Variants in CPEB3 observed in about 807,000 individuals in gnomAD.
CPEB3 encodes the protein cytoplasmic polyadenylation element-binding protein 3.
CPEB3 carries 20 observed loss-of-function variants against 67.2 expected under a neutral mutation model. The observed-to-expected ratio is 0.30, with a 90% CI of 0.21 to 0.43. The LOEUF is 0.43. Among genes scored for constraint, CPEB3 ranks in the 20% least tolerant of loss-of-function variants. The pLI is 1.00. For missense variants in CPEB3, 746 were observed against 968.6 expected, an observed-to-expected ratio of 0.77 and a Z score of 3.05; for synonymous variants, 376 against 393.1, an observed-to-expected ratio of 0.96 and a Z score of 0.51.
intron 6 of CPEB3, among the ~76,000 whole-genome samples, chr10:92,137,868 G>A (rs1281634132): frequency 6.6e-6 from 1 of 152,180 alleles, no homozygotes; most frequent in Non-Finnish European, 1.5e-5. Context: ...GGGCATGGTG[G>A]CAAGTGCCTG....
At chr10:92,175,472 A>G (rs1312784157) in intron 4 of CPEB3, among the ~76,000 whole-genome samples, 1 of 152,004 alleles carries the variant, frequency 6.6e-6, no homozygotes, top group Non-Finnish European at 1.5e-5. Context: ...GAACTCCCGC[A>G]TCATATGATA....
Position 92,078,811 on chromosome 10 carries a change from G to A in CPEB3, c.1869+2509C>T, listed in dbSNP as rs367859868. On this transcript the variant is annotated intron_variant, in intron 9 of 9. Coordinates refer to ENST00000265997, the MANE Select transcript of CPEB3 (RefSeq NM_014912.5). Reference sequence around the variant, plus strand: ...AAGAAATACTGAGGACCTGAGCCTCGCAGTAGCTGTGAGAATAGCGGTAGG... The same window carrying A: ...AAGAAATACTGAGGACCTGAGCCTCACAGTAGCTGTGAGAATAGCGGTAGG... 2.0e-4 allele frequency among the ~76,000 whole-genome samples: 30 copies of A among 152,210 alleles called. No homozygotes were observed. In the East Asian group the frequency reaches 2.1e-3, roughly 11 times the overall value.
chr10:92,261,583 G>C (rs1052582304), intron 1 of CPEB3, among the ~76,000 whole-genome samples: 7 of 152,072 alleles, frequency 4.6e-5, no homozygotes, highest in Admixed American at 3.9e-4. Flanking sequence ...AAGTAGCTGG[G>C]ATTACAGGCG....
chr10:92,100,880 C>T lies in CPEB3; in HGVS notation c.1573-8936G>A, dbSNP rs1160455478. On this transcript the variant is annotated intron_variant, in intron 7 of 9. Coordinates refer to ENST00000265997, the MANE Select transcript of CPEB3 (RefSeq NM_014912.5). ...TGCTGGGATTACAGGCGTGAGCCAC[C>T]GTGCCCGGCCAAGAACAGTTTTTAA... is the stretch of plus-strand genomic sequence containing the variant. 3.9e-5 allele frequency among the ~76,000 whole-genome samples: 6 copies of T among 152,214 alleles called. No individual in the cohort carries two copies. In the East Asian group the frequency reaches 5.8e-4, roughly 15 times the overall value.
intron 8 of CPEB3, among the ~76,000 whole-genome samples, chr10:92,083,697 T>C (rs1843248702): frequency 6.6e-6 from 1 of 152,124 alleles, no homozygotes; most frequent in African/African-American, 2.4e-5. Flanking sequence ...GAGGGAACAA[T>C]CTCTAAGCCT....
At chr10:92,181,353 T>C (rs1325430312) in intron 3 of CPEB3, among the ~76,000 whole-genome samples, 1 of 140,248 alleles carries the variant, frequency 7.1e-6, no homozygotes, top group Non-Finnish European at 1.5e-5. Context: ...TATACTGTCC[T>C]TCCATTCAAG....
chr10:92,099,322 T>C (rs1844056792), intron 7 of CPEB3, among the ~76,000 whole-genome samples: 1 of 151,312 alleles, frequency 6.6e-6, no homozygotes, highest in Non-Finnish European at 1.5e-5. Context: ...CAGTTAATTT[T>C]TGTATTTTTT....
At chr10:92,146,981 C>T (rs541861424) in intron 4 of CPEB3, among the ~76,000 whole-genome samples, 1 of 152,314 alleles carries the variant, frequency 6.6e-6, no homozygotes, top group East Asian at 1.9e-4. Flanking sequence ...CAGGCACATG[C>T]GCAAATCAGC....
chr10:92,250,973 C>T (rs1193719945), intron 1 of CPEB3, among the ~76,000 whole-genome samples: 2 of 150,860 alleles, frequency 1.3e-5, no homozygotes, highest in African/African-American at 4.9e-5. Flanking sequence ...TCAGGCAATC[C>T]GCCCACCTCA....
intron 4 of CPEB3, 133 bp downstream of exon 4, chr10:92,180,830 A>G: frequency 1.7e-6 from 1 of 605,354 alleles, no homozygotes; most frequent in East Asian, 3.1e-5. Flanking sequence ...CACTTTGAGA[A>G]CCACTAGTAC....
intron 3 of CPEB3, among the ~76,000 whole-genome samples, chr10:92,183,881 C>T (rs1481834114): frequency 6.6e-6 from 1 of 152,134 alleles, no homozygotes; most frequent in Non-Finnish European, 1.5e-5. Flanking sequence ...CCTGTGTCTA[C>T]CATTTACGGT....
intron 8 of CPEB3, among the ~76,000 whole-genome samples, chr10:92,085,260 T>C (rs929141908): frequency 6.6e-6 from 1 of 152,198 alleles, no homozygotes; most frequent in Non-Finnish European, 1.5e-5. Flanking sequence ...TTCTTTCCCA[T>C]CCAGACAGTG....
At chr10:92,241,727 T>C (rs922557613) in intron 1 of CPEB3, among the ~76,000 whole-genome samples, 1 of 152,196 alleles carries the variant, frequency 6.6e-6, no homozygotes, top group Admixed American at 6.5e-5. Context: ...GAGACTGCCA[T>C]ACATGTAGTT....
intron 8 of CPEB3, among the ~76,000 whole-genome samples, chr10:92,090,561 A>C (rs1189611146): frequency 2.0e-5 from 3 of 152,180 alleles, no homozygotes; most frequent in Non-Finnish European, 4.4e-5. Flanking sequence ...AACAAACAAA[A>C]AAACTAATTT....
At chr10:92,067,168 A>G (rs1268832143) in intron 9 of CPEB3, among the ~76,000 whole-genome samples, 1 of 152,054 alleles carries the variant, frequency 6.6e-6, no homozygotes, top group Non-Finnish European at 1.5e-5. Flanking sequence ...TATGAGCTGG[A>G]ATGCTGTTGT....
chr10:92,279,279 G>A (rs1190554789), intron 1 of CPEB3, among the ~76,000 whole-genome samples: 1 of 152,160 alleles, frequency 6.6e-6, no homozygotes, highest in Non-Finnish European at 1.5e-5. Flanking sequence ...TAACAGATCA[G>A]TGAACACCCT....
chr10:92,099,932 G>A (rs1409853576), intron 7 of CPEB3, among the ~76,000 whole-genome samples: 1 of 151,994 alleles, frequency 6.6e-6, no homozygotes, highest in African/African-American at 2.4e-5. Flanking sequence ...GGAAGGCCAA[G>A]GCTGAAGGAC....
Position 92,269,588 on chromosome 10 carries a change from C to T in CPEB3, c.-12+21338G>A, listed in dbSNP as rs140582950. 5.6e-3 allele frequency among the ~76,000 whole-genome samples: 853 copies of T among 152,130 alleles called. 8 individuals are homozygous for T. Among genetic ancestry groups the T allele is most frequent in the African/African-American group, 0.019 (809 of 41,496 alleles). On this transcript the variant is annotated intron_variant, in intron 1 of 9. Coordinates refer to ENST00000265997, the MANE Select transcript of CPEB3 (RefSeq NM_014912.5). ...TGTTTGTTTGTTTGTGATGGAGTCT[C>T]GTTCTGTCACCCAGGCTGGAGTGCA...
At chr10:92,080,694 C>T (rs1264786710) in intron 9 of CPEB3, among the ~76,000 whole-genome samples, 5 of 151,950 alleles carry the variant, frequency 3.3e-5, no homozygotes, top group Non-Finnish European at 4.4e-5. Context: ...CCCAGGTTCA[C>T]GCCATTCTCC....
Sources: gnomAD v4.1 joint callset for allele counts (sites outside exome capture counted in the v4.1 genomes callset) on GRCh38, gnomAD v4.1.1 for gene constraint, MANE v1.5 for transcripts, NCBI Gene and HGNC (gene_info 2026-07-23, HGNC 2026-07-21) for gene names.